The following TAOK3 variants were observed in gnomAD, a reference collection of about 807,000 sequenced individuals.
The protein encoded by TAOK3 is TAO kinase 3, also known as serine/threonine-protein kinase TAO3.
In TAOK3, 40 loss-of-function variants were observed where a neutral mutation model predicts 120.4. That is an observed-to-expected ratio of 0.33 (90% CI 0.26 to 0.43). TAOK3 has a LOEUF of 0.43. Ranked by LOEUF, TAOK3 falls within the 20% of genes least tolerant of loss-of-function variation. The pLI, the probability that TAOK3 is intolerant of heterozygous loss-of-function variation, is 1.00. For synonymous variants in TAOK3, 355 were observed against 387.5 expected (o/e 0.92, Z 0.99); for missense variants, 821 against 1,112.1 (o/e 0.74, Z 3.72).
At chr12:118,283,637 G>A (rs1343096094) in intron 1 of TAOK3, 2 of 156,164 alleles carry the variant, frequency 1.3e-5, no homozygotes, top group Non-Finnish European at 2.8e-5. Flanking sequence ...GGCTGAGGCC[G>A]GAGAATTGCT....
intron 9 of TAOK3, among the ~76,000 whole-genome samples, chr12:118,226,668 T>G (rs1228656763): frequency 6.6e-6 from 1 of 152,138 alleles, no homozygotes; most frequent in Non-Finnish European, 1.5e-5. Context: ...CACTATCACT[T>G]ATCAATTTGC....
In TAOK3 at chr12:118,150,929, T is replaced by C; in HGVS notation, c.*68A>G. On this transcript the variant is annotated 3_prime_UTR_variant, in exon 21 of 21. Coordinates refer to ENST00000392533, the MANE Select transcript of TAOK3 (RefSeq NM_016281.4). Reference sequence around the variant, plus strand: ...CCCGTTAAAATGGGGAATGTGGTTTTGCAGGGTCTGAATTTTTTTCTGTTT... The same window carrying C: ...CCCGTTAAAATGGGGAATGTGGTTTCGCAGGGTCTGAATTTTTTTCTGTTT... The C allele has an allele frequency of 2.0e-6, 3 of 1,465,904 alleles. No individual in the cohort carries two copies. The highest frequency in any genetic ancestry group is 2.7e-6 in the Non-Finnish European group (3 of 1,093,298). 90.8% of individuals were successfully genotyped at this position (1,465,904 alleles called of 1,614,324 possible).
intron 1 of TAOK3, among the ~76,000 whole-genome samples, chr12:118,339,760 C>G (rs1346941920): frequency 6.6e-6 from 1 of 151,984 alleles, no homozygotes; most frequent in African/African-American, 2.4e-5. Context: ...GGGGTTTCAC[C>G]ATGTTGGCCA....
At chr12:118,317,560 G>A (rs2043523411) in intron 1 of TAOK3, among the ~76,000 whole-genome samples, 1 of 151,080 alleles carries the variant, frequency 6.6e-6, no homozygotes, top group African/African-American at 2.4e-5. Context: ...GCCTCCCAAA[G>A]TGCTAGGATT....
chr12:118,346,283 A>G (rs2044855526), intron 1 of TAOK3, among the ~76,000 whole-genome samples: 2 of 152,220 alleles, frequency 1.3e-5, no homozygotes, highest in Non-Finnish European at 2.9e-5. Flanking sequence ...TCATTTACTA[A>G]TAAGTCTTCT....
rs1178937057 is a variant in TAOK3 at position 118,150,418 on chromosome 12, A to T, written c.*579T>A. The T allele has an allele frequency of 1.4e-5, 2 of 144,974 alleles. No homozygotes were observed. Among genetic ancestry groups the T allele is most frequent in the South Asian group, 2.2e-4 (1 of 4,548 alleles). The allele number at this position is 144,974 out of a possible 1,614,324, so 9.0% of individuals were successfully genotyped here. A position where few individuals can be genotyped will look rare whatever the true frequency, so the allele number is the denominator to read the frequency against. On this transcript the variant is annotated 3_prime_UTR_variant, in exon 21 of 21. Transcript: ENST00000392533. ...AAAAAGTAATAATATGTCACCACTG[A>T]TATGTACATCACAATTAGTTTCTGT... is the stretch of plus-strand genomic sequence containing the variant.
At chr12:118,263,609 C>G (rs907063856) in intron 2 of TAOK3, among the ~76,000 whole-genome samples, 3 of 151,862 alleles carry the variant, frequency 2.0e-5, no homozygotes, top group Non-Finnish European at 4.4e-5. Flanking sequence ...ACCCCTGGAT[C>G]CAGAAAACAT....
At chr12:118,239,187 A>C (rs370894743) in intron 6 of TAOK3, 40 bp downstream of exon 6, 7 of 1,319,636 alleles carry the variant, frequency 5.3e-6, no homozygotes, top group Non-Finnish European at 7.6e-6. Flanking sequence ...ATTCTGATCA[A>C]AGTAAAACAG....
rs528549039 is a variant in TAOK3 at position 118,208,985 on chromosome 12, C to T, written c.819+3929G>A. On this transcript the variant is annotated intron_variant, in intron 11 of 20. Transcript: ENST00000392533. ...TTGGCCCCACAAAGTGCTGGGATTACAGGCATGAGCCACCGTGCCCGGCCA... is the reference window on the plus strand; with the variant it reads ...TTGGCCCCACAAAGTGCTGGGATTATAGGCATGAGCCACCGTGCCCGGCCA... Among the ~76,000 whole-genome samples, 14 of 152,302 alleles carry T rather than the reference C, an allele frequency of 9.2e-5. No homozygotes were observed. In the South Asian group the frequency reaches 2.5e-3, roughly 27 times the overall value.
intron 3 of TAOK3, among the ~76,000 whole-genome samples, chr12:118,253,777 G>A (rs952081150): frequency 1.0e-4 from 15 of 148,182 alleles, no homozygotes; most frequent in Admixed American, 2.1e-4. Flanking sequence ...AACAGGGCCC[G>A]GTGCAGTGGC....
chr12:118,277,355 T>A (rs1471857533), intron 1 of TAOK3, among the ~76,000 whole-genome samples: 2 of 152,148 alleles, frequency 1.3e-5, no homozygotes, highest in Non-Finnish European at 2.9e-5. Flanking sequence ...TCTAAGACAA[T>A]TCAAGTGGTA....
rs535236565 is a variant in TAOK3 at position 118,267,851 on chromosome 12, C to T, written c.-193-1092G>A. ...AGTGAGCCGAGATCGCACCACTGCA[C>T]TCCAGCCTGGGTGACAGAGTGAGAC... On this transcript the variant is annotated intron_variant, in intron 1 of 20. Transcript: ENST00000392533. Among the ~76,000 whole-genome samples, 40 of 146,450 alleles carry T rather than the reference C, an allele frequency of 2.7e-4. 1 individual carries two copies. The highest frequency in any genetic ancestry group is 1.7e-3 in the Admixed American group (25 of 14,354).
intron 1 of TAOK3, among the ~76,000 whole-genome samples, chr12:118,337,686 G>A (rs1448338188): frequency 6.6e-6 from 1 of 152,204 alleles, no homozygotes; most frequent in African/African-American, 2.4e-5. Flanking sequence ...GATTTCATTT[G>A]TATAACATTC....
chr12:118,267,369 C>T (rs2041495784), intron 1 of TAOK3, among the ~76,000 whole-genome samples: 1 of 151,792 alleles, frequency 6.6e-6, no homozygotes, highest in Admixed American at 6.6e-5. Context: ...CATCTGCCAC[C>T]AAGCCTGGCT....
In TAOK3 at chr12:118,280,102, G is replaced by A. The variant is rs527831915; in HGVS notation, c.-193-13343C>T. ...TTTTTAGATGGAGTCTCGCTCTGTC[G>A]ACAGGCTGGGGTGCAGTGGCGCCAT... is the stretch of plus-strand genomic sequence containing the variant. On this transcript the variant is annotated intron_variant, in intron 1 of 20. Coordinates refer to ENST00000392533, the MANE Select transcript of TAOK3 (RefSeq NM_016281.4). Among the ~76,000 whole-genome samples, 5 of 133,378 alleles carry A rather than the reference G, an allele frequency of 3.7e-5. No homozygotes were observed. The East Asian group carries it at 6.9e-4, about 18-fold the overall frequency. The allele number at this position is 133,378 out of a possible 152,430, so 87.5% of individuals were successfully genotyped here. A position where few individuals can be genotyped will look rare whatever the true frequency, so the allele number is the denominator to read the frequency against.
intron 1 of TAOK3, among the ~76,000 whole-genome samples, chr12:118,369,879 AT>A (rs916022739): frequency 3.6e-4 from 54 of 151,928 alleles, no homozygotes; most frequent in African/African-American, 1.0e-3. Flanking sequence ...AGTTAGCGGA[AT>A]TTTTTTTCTT....
intron 1 of TAOK3, among the ~76,000 whole-genome samples, chr12:118,364,937 T>G (rs556872517): frequency 1.3e-5 from 2 of 152,146 alleles, no homozygotes; most frequent in Non-Finnish European, 2.9e-5. Flanking sequence ...ATTAAGCACT[T>G]CCTATGTGTC....
intron 1 of TAOK3, among the ~76,000 whole-genome samples, chr12:118,340,539 C>T (rs1443404209): frequency 2.0e-5 from 3 of 152,048 alleles, no homozygotes; most frequent in African/African-American, 7.2e-5. Context: ...ACATCTAAAT[C>T]ATTTTTATAA....
At chr12:118,307,618 C>T (rs1354147527) in intron 1 of TAOK3, among the ~76,000 whole-genome samples, 2 of 151,968 alleles carry the variant, frequency 1.3e-5, no homozygotes, top group East Asian at 1.9e-4. Context: ...CTGCAGCTAC[C>T]CCTTCTTTCC....
Sources: gnomAD v4.1 joint callset for allele counts (sites outside exome capture counted in the v4.1 genomes callset) on GRCh38, gnomAD v4.1.1 for gene constraint, MANE v1.5 for transcripts, NCBI Gene and HGNC (gene_info 2026-07-23, HGNC 2026-07-21) for gene names.